The following AMMECR1 variants were observed in gnomAD, a reference collection of about 807,000 sequenced individuals.
AMMECR1 encodes AMMECR nuclear protein 1.
A neutral mutation model predicts 22.5 loss-of-function variants in AMMECR1; 3 were observed. The ratio of observed to expected loss-of-function variants is 0.13; its 90% CI spans 0.06 to 0.35. AMMECR1 has a LOEUF of 0.35. Ranked by LOEUF, AMMECR1 falls within the 10% of genes least tolerant of loss-of-function variation. The pLI, the probability that AMMECR1 is intolerant of heterozygous loss-of-function variation, is 1.00. For synonymous variants in AMMECR1, 130 were observed against 116.7 expected, an observed-to-expected ratio of 1.11 and a Z score of -0.74; for missense variants, 235 against 278.7, an observed-to-expected ratio of 0.84 and a Z score of 1.12.
chrX:110,396,293 A>G (rs1242337399), intron 2 of AMMECR1, among the ~76,000 whole-genome samples: 4 of 111,883 alleles, frequency 3.6e-5, no homozygotes, highest in Non-Finnish European at 7.5e-5. Context: ...CCAAGTATCC[A>G]TCACCCAGAT....
intron 2 of AMMECR1, among the ~76,000 whole-genome samples, chrX:110,360,408 A>G (rs971900637): frequency 1.8e-5 from 2 of 111,919 alleles, no homozygotes; most frequent in Admixed American, 9.5e-5. Flanking sequence ...GAGATTAACT[A>G]GAGGGAAGAA....
chrX:110,310,516 GAT>G (rs1189248947), intron 1 of AMMECR1, among the ~76,000 whole-genome samples: 1 of 111,374 alleles, frequency 9.0e-6, no homozygotes, highest in Non-Finnish European at 1.9e-5. Context: ...TCCCAAATTA[GAT>G]ACAGCTGGGA....
At chrX:110,263,562 A>G (rs2067752782) in intron 2 of AMMECR1, among the ~76,000 whole-genome samples, 1 of 112,005 alleles carries the variant, frequency 8.9e-6, no homozygotes, top group South Asian at 3.7e-4. Flanking sequence ...CCTGAAGTAA[A>G]ATAGTGATTA....
intron 2 of AMMECR1, among the ~76,000 whole-genome samples, chrX:110,236,791 C>T (rs1461554726): frequency 8.9e-6 from 1 of 112,336 alleles, no homozygotes; most frequent in Non-Finnish European, 1.9e-5. Flanking sequence ...TCCTTTTAAA[C>T]TGTTCCACTG....
intron 1 of AMMECR1, among the ~76,000 whole-genome samples, chrX:110,431,018 A>G (rs1017219890): frequency 2.7e-5 from 3 of 112,055 alleles, no homozygotes; most frequent in African/African-American, 9.8e-5. Context: ...TTGCCTTCAT[A>G]GGCCCTGAGG....
At chrX:110,316,582 A>C (rs2148226615) in intron 1 of AMMECR1, among the ~76,000 whole-genome samples, 1 of 110,774 alleles carries the variant, frequency 9.0e-6, no homozygotes, top group Non-Finnish European at 1.9e-5. Context: ...ACACATTAAA[A>C]AAAAAAAACC....
intron 2 of AMMECR1, among the ~76,000 whole-genome samples, chrX:110,343,983 G>GA (rs1325053573): frequency 1.8e-5 from 2 of 111,565 alleles, no homozygotes; most frequent in African/African-American, 6.5e-5. Context: ...CACAGAATTG[G>GA]AAAAAACTAC....
At position 110,356,673 on chromosome X, in the gene AMMECR1, A is replaced by G. The variant is rs1182398446; in HGVS notation, c.-147-38824T>C. Among the ~76,000 whole-genome samples the G allele has an allele frequency of 2.7e-5, 3 of 111,544 alleles. No individual in the cohort carries two copies. In the East Asian group the frequency reaches 8.3e-4, roughly 31 times the overall value. ...ACATCACATTGTACCATATATATAT[A>G]TACACACCTTATCATTTGTCAATTA... is the stretch of plus-strand genomic sequence containing the variant. On this transcript the variant is annotated intron_variant, in intron 2 of 7. Transcript: ENST00000372057.
chrX:110,269,359 G>A (rs1448654653), intron 1 of AMMECR1, among the ~76,000 whole-genome samples: 4 of 111,687 alleles, frequency 3.6e-5, no homozygotes, highest in Non-Finnish European at 5.6e-5. Context: ...AGGCAAAACA[G>A]AGGTTACAAA....
intron 2 of AMMECR1, among the ~76,000 whole-genome samples, chrX:110,354,892 T>C (rs941464184): frequency 3.6e-5 from 4 of 110,896 alleles, no homozygotes; most frequent in Non-Finnish European, 7.6e-5. Flanking sequence ...TAGAAGAAAA[T>C]AGGGAAAAAG....
At chrX:110,246,504 C>A (rs1267059415) in intron 2 of AMMECR1, among the ~76,000 whole-genome samples, 1 of 112,017 alleles carries the variant, frequency 8.9e-6, no homozygotes, top group Non-Finnish European at 1.9e-5. Flanking sequence ...AAACAAATAC[C>A]TCAGTATACT....
In AMMECR1 at chrX:110,325,989, G is replaced by C. The variant is rs886349079; in HGVS notation, c.-147-8140C>G. Among the ~76,000 whole-genome samples the C allele has an allele frequency of 6.2e-4, 68 of 110,006 alleles. 1 individual carries two copies. Among genetic ancestry groups the C allele is most frequent in the African/African-American group, 2.2e-3 (67 of 30,126 alleles). The stretch of plus-strand genomic sequence containing the variant: ...TTTTCTTCCTTTTTCTTTTGGTTTT[G>C]TTTTCTGTTTGTTTGTTTGAGATGG... On this transcript the variant is annotated intron_variant, in intron 2 of 7. Transcript: ENST00000372057.
chrX:110,343,390 T>C (rs1602913027), intron 2 of AMMECR1, among the ~76,000 whole-genome samples: 2 of 111,478 alleles, frequency 1.8e-5, no homozygotes, highest in South Asian at 3.8e-4. Flanking sequence ...AATATAATAC[T>C]GAATGGGCAA....
chrX:110,428,265 C>T (rs1046848849), intron 1 of AMMECR1, among the ~76,000 whole-genome samples: 6 of 111,723 alleles, frequency 5.4e-5, no homozygotes, highest in African/African-American at 2.0e-4. Flanking sequence ...GCTCCCGCAA[C>T]AATCTAAATG....
intron 2 of AMMECR1, among the ~76,000 whole-genome samples, chrX:110,399,081 G>T (rs979316498): frequency 1.8e-5 from 2 of 111,944 alleles, no homozygotes; most frequent in African/African-American, 6.5e-5. Flanking sequence ...CAGAACTCAG[G>T]CTCCTGACTC....
chrX:110,194,965 T>C lies in AMMECR1; in HGVS notation c.*3555A>G, dbSNP rs757303053. ...TAAACTTAATTCATTTTAACATCAC[T>C]AGCAAAAATCACTTAGAAACTGTAC... On this transcript the variant is annotated 3_prime_UTR_variant, in exon 6 of 6. Transcript: ENST00000262844. The C allele has an allele frequency of 7.1e-5, 8 of 111,934 alleles. No homozygotes were observed. The highest frequency in any genetic ancestry group is 2.6e-4 in the African/African-American group (8 of 30,858). The allele number at this position is 111,934 out of a possible 1,213,427, so 9.2% of individuals were successfully genotyped here. A position where few individuals can be genotyped will look rare whatever the true frequency, so the allele number is the denominator to read the frequency against.
intron 2 of AMMECR1, among the ~76,000 whole-genome samples, chrX:110,231,147 G>A (rs1317645385): frequency 9.0e-6 from 1 of 111,714 alleles, no homozygotes; most frequent in Admixed American, 9.5e-5. Flanking sequence ...TAGCAAGGCA[G>A]GCCAACATTC....
intron 1 of AMMECR1, among the ~76,000 whole-genome samples, chrX:110,292,625 C>G (rs942025473): frequency 9.8e-5 from 11 of 112,332 alleles, no homozygotes; most frequent in Admixed American, 5.7e-4. Context: ...AGTCTACACA[C>G]TGTATGATTC....
chrX:110,313,246 T>A (rs1476704608), intron 1 of AMMECR1, among the ~76,000 whole-genome samples: 1 of 111,794 alleles, frequency 8.9e-6, no homozygotes, highest in Non-Finnish European at 1.9e-5. Context: ...TATGCGGGAG[T>A]GGATTTTTTT....
Sources: allele counts gnomAD v4.1 joint callset (sites outside exome capture counted in the v4.1 genomes callset), GRCh38; gene constraint gnomAD v4.1.1; transcripts MANE v1.5; gene names NCBI Gene and HGNC (gene_info 2026-07-23, HGNC 2026-07-21).